The following ZBED6 variants were observed in gnomAD, a reference collection of about 807,000 sequenced individuals.
The protein encoded by ZBED6 is zinc finger BED-type containing 6.
In ZBED6, 40 loss-of-function variants were observed where a neutral mutation model predicts 58.4. The observed-to-expected ratio is 0.68, with a 90% CI of 0.53 to 0.89. The LOEUF (loss-of-function observed/expected upper bound fraction) is 0.89. Ranked by LOEUF, ZBED6 falls within the 40% of genes least tolerant of loss-of-function variation. The pLI, the probability that ZBED6 is intolerant of heterozygous loss-of-function variation, is 0.00. For synonymous variants in ZBED6, 439 were observed against 350.6 expected (o/e 1.25, Z -2.82); for missense variants, 1,057 against 1,003.9 (o/e 1.05, Z -0.71).
At chr1:203,838,044 T>A (rs554169257) in exon 10 of ZBED6, 1 of 1,614,072 alleles carries the variant, frequency 6.2e-7, no homozygotes, top group Non-Finnish European at 8.5e-7. Context: ...GAAACTAACA[T>A]TGACAAAACA....
At chr1:203,806,067 A>T (rs1465033331) in intron 1 of ZBED6, 2 of 512,120 alleles carry the variant, frequency 3.9e-6, no homozygotes, top group Non-Finnish European at 7.7e-6. Context: ...TTTGTTTTAA[A>T]ACTCGCAAGG....
At chr1:203,806,148 A>C (rs745523393) in intron 1 of ZBED6, 1 of 504,158 alleles carries the variant, frequency 2.0e-6, no homozygotes, top group South Asian at 1.5e-5. Context: ...TCACTAGCTC[A>C]GCATCCAATC....
chr1:203,835,334 C>T (rs1384604159), intron 9 of ZBED6, among the ~76,000 whole-genome samples: 3 of 152,164 alleles, frequency 2.0e-5, no homozygotes, highest in Non-Finnish European at 4.4e-5. Context: ...ATTTTCTGCA[C>T]TGAGCTCAAA....
intron 11 of ZBED6, among the ~76,000 whole-genome samples, chr1:203,842,301 T>C (rs1319338073): frequency 6.6e-6 from 1 of 152,170 alleles, no homozygotes; most frequent in East Asian, 1.9e-4. Flanking sequence ...CACTCCAGCC[T>C]GGGCAACATT....
chr1:203,798,215 G>A (rs1218569512), exon 1 of ZBED6: 3 of 1,536,028 alleles, frequency 2.0e-6, no homozygotes, highest in Admixed American at 3.9e-5. Context: ...TGGGCAAGAA[G>A]CATGATAAAT....
chr1:203,837,290 C>CAA (rs11372939), intron 9 of ZBED6, among the ~76,000 whole-genome samples: 18,600 of 141,194 alleles, frequency 0.13, 1,378 homozygotes, highest in Non-Finnish European at 0.15. Flanking sequence ...GATCCTGTCT[C>CAA]AAAAAAAAAA....
intron 3 of ZBED6, among the ~76,000 whole-genome samples, chr1:203,821,775 TG>T (rs1678780109): frequency 6.6e-6 from 1 of 151,930 alleles, no homozygotes; most frequent in East Asian, 1.9e-4. Context: ...TTTTTTTTTT[TG>T]AGACGGAGTC....
exon 5 of ZBED6, chr1:203,829,607 A>G: frequency 6.2e-7 from 1 of 1,614,226 alleles, no homozygotes; most frequent in Non-Finnish European, 8.5e-7. Context: ...AGCCCCACGC[A>G]TCCACCAGTT....
In ZBED6 at chr1:203,829,869, C is replaced by T. The variant is rs146010254; in HGVS notation, c.*3291C>T. The T allele has an allele frequency of 3.7e-5, 60 of 1,613,898 alleles. No individual in the cohort carries two copies. The East Asian group carries it at 9.1e-4, about 25-fold the overall frequency. On this transcript the variant is annotated 3_prime_UTR_variant, in exon 6 of 17. Transcript: ENST00000550078. The stretch of plus-strand genomic sequence containing the variant: ...CAATGGATTACGAGTGACTTCTGTC[C>T]GGAAACCTGCAGTCAATATAAAGCA...
At chr1:203,810,150 T>G (rs1171776195) in intron 1 of ZBED6, among the ~76,000 whole-genome samples, 4 of 147,754 alleles carry the variant, frequency 2.7e-5, no homozygotes, top group Non-Finnish European at 4.5e-5. Flanking sequence ...TTGTTTTTTG[T>G]TTTTTTTTTA....
At chr1:203,849,925 C>T in exon 14 of ZBED6, 2 of 1,614,070 alleles carry the variant, frequency 1.2e-6, no homozygotes, top group African/African-American at 1.3e-5. Flanking sequence ...AAGCGGCTTC[C>T]CACAAAGTCA....
At position 203,797,494 on chromosome 1, in the gene ZBED6, C is replaced by A; in HGVS notation, c.-29C>A. On this transcript the variant is annotated 5_prime_UTR_variant, in exon 1 of 17. The change creates a new upstream start codon in the 5' untranslated region. Coordinates refer to ENST00000550078, the Ensembl canonical transcript of ZBED6. ...TGAGTAATAAACCCACTAACAGATTCTGGTACGAATTGTGGAGACATAAAG... is the reference window on the plus strand; with the variant it reads ...TGAGTAATAAACCCACTAACAGATTATGGTACGAATTGTGGAGACATAAAG... 1 of 1,460,992 alleles carries A rather than the reference C, an allele frequency of 6.8e-7. No homozygotes were observed. The highest frequency in any genetic ancestry group is 1.4e-5 in the South Asian group (1 of 69,092). The allele number at this position is 1,460,992 out of a possible 1,614,324, so 90.5% of individuals were successfully genotyped here.
intron 11 of ZBED6, among the ~76,000 whole-genome samples, chr1:203,841,297 C>T (rs887352032): frequency 3.3e-5 from 5 of 152,020 alleles, no homozygotes; most frequent in Non-Finnish European, 5.9e-5. Context: ...ACAGAGGACC[C>T]TGCGGCCTTC....
intron 11 of ZBED6, among the ~76,000 whole-genome samples, chr1:203,841,144 T>C (rs74619113): frequency 1.9e-4 from 26 of 137,030 alleles, no homozygotes; most frequent in Admixed American, 1.3e-3. Flanking sequence ...ATAAGAATCT[T>C]TTTTTTTTTT....
At position 203,833,781 on chromosome 1, in the gene ZBED6, G is replaced by C. The variant is rs1473238482; in HGVS notation, c.*3511-10G>C. 4 of 1,602,724 alleles carry C rather than the reference G, an allele frequency of 2.5e-6. No individual in the cohort carries two copies. In the South Asian group the frequency reaches 4.5e-5, roughly 18 times the overall value. Reference sequence around the variant, plus strand: ...CTAAGGATAGAGAAATTCTGCTTTTGCCATTTCAGGAGAAGAACCCTTGGT... The same window carrying C: ...CTAAGGATAGAGAAATTCTGCTTTTCCCATTTCAGGAGAAGAACCCTTGGT... On this transcript the variant is annotated splice_polypyrimidine_tract_variant and intron_variant, in intron 8 of 16. Transcript: ENST00000550078.
exon 1 of ZBED6, chr1:203,798,291 G>A (rs1571861707): frequency 6.5e-7 from 1 of 1,536,118 alleles, no homozygotes; most frequent in East Asian, 2.4e-5. Flanking sequence ...TGTCAAGCAT[G>A]CTTTAATTCC....
At chr1:203,802,714 C>CTTTTTTTTTTTTTTTTTTTTTTTT (rs150416242) in exon 1 of ZBED6, 3 of 131,660 alleles carry the variant, frequency 2.3e-5, no homozygotes, top group African/African-American at 5.5e-5. Context: ...TAAATGAACT[C>CTTTTTTTTTTTTTTTTTTTTTTTT]TTTTTTTTTG....
intron 11 of ZBED6, among the ~76,000 whole-genome samples, chr1:203,841,145 TTTTTTTTTTTTA>T (rs1381193924): frequency 7.1e-6 from 1 of 140,408 alleles, no homozygotes; most frequent in Non-Finnish European, 1.6e-5. Context: ...TAAGAATCTT[TTTTTTTTTTTTA>T]TTTTTTTTTT....
At chr1:203,849,760 G>T in exon 14 of ZBED6, 1 of 1,613,954 alleles carries the variant, frequency 6.2e-7, no homozygotes, top group African/African-American at 1.3e-5. Flanking sequence ...CAAGTCAAGA[G>T]ATGTGAGACC....
Sources: gnomAD v4.1 joint callset for allele counts (sites outside exome capture counted in the v4.1 genomes callset) on GRCh38, gnomAD v4.1.1 for gene constraint, MANE v1.5 for transcripts, NCBI Gene and HGNC (gene_info 2026-07-23, HGNC 2026-07-21) for gene names.